The following SLC4A10 variants were observed in gnomAD, a reference collection of about 807,000 sequenced individuals.
The protein encoded by SLC4A10 is solute carrier family 4 member 10, also known as sodium-driven chloride bicarbonate exchanger.
Under a neutral mutation model 137.7 loss-of-function variants are expected in SLC4A10, and 42 were observed. The observed-to-expected ratio is 0.30, with a 90% CI of 0.24 to 0.39. The LOEUF is 0.39. SLC4A10 is among the 10% of genes least tolerant of loss of function. The pLI is 1.00. For synonymous variants in SLC4A10, 474 were observed against 464.1 expected (o/e 1.02, Z -0.27); for missense variants, 925 against 1,355.0 (o/e 0.68, Z 4.98).
intron 22 of SLC4A10, among the ~76,000 whole-genome samples, chr2:161,964,641 T>C (rs1343980470): frequency 6.6e-6 from 1 of 152,102 alleles, no homozygotes; most frequent in Admixed American, 6.6e-5. Context: ...GTATTAAATG[T>C]TTCAGGCAAG....
intron 1 of SLC4A10, among the ~76,000 whole-genome samples, chr2:161,713,996 A>C (rs1320262907): frequency 1.7e-5 from 2 of 118,366 alleles, no homozygotes; most frequent in East Asian, 5.3e-4. Flanking sequence ...TATTACTCTC[A>C]GTATAAATGA....
chr2:161,671,626 C>T (rs1486320581), intron 1 of SLC4A10, among the ~76,000 whole-genome samples: 1 of 152,142 alleles, frequency 6.6e-6, no homozygotes, highest in Non-Finnish European at 1.5e-5. Flanking sequence ...TACCCCAAAC[C>T]TCAGCGTCAT....
intron 1 of SLC4A10, among the ~76,000 whole-genome samples, chr2:161,684,338 T>C (rs1424529347): frequency 9.2e-5 from 14 of 152,210 alleles, no homozygotes; most frequent in Admixed American, 2.6e-4. Flanking sequence ...TGACCATTTT[T>C]CTGCATTTTT....
chr2:161,789,579 AG>A (rs2053994508), intron 2 of SLC4A10, among the ~76,000 whole-genome samples: 1 of 152,206 alleles, frequency 6.6e-6, no homozygotes, highest in African/African-American at 2.4e-5. Context: ...GATGTTACAA[AG>A]GCTACTATAT....
At position 161,950,864 on chromosome 2, in the gene SLC4A10, C is replaced by A; in HGVS notation, c.2541+16C>A. ...TAAGCTAAAGGTATATTTTAACATC[C>A]ATTTTAATGTAAATAATTATGACAA... On this transcript the variant is annotated intron_variant, in intron 19 of 26. Transcript: ENST00000446997. The A allele has an allele frequency of 6.4e-7, 1 of 1,560,724 alleles. No homozygotes were observed. The highest frequency in any genetic ancestry group is 2.3e-5 in the East Asian group (1 of 43,294).
chr2:161,857,785 A>G (rs1022663487), intron 5 of SLC4A10, among the ~76,000 whole-genome samples: 1 of 152,230 alleles, frequency 6.6e-6, no homozygotes, highest in African/African-American at 2.4e-5. Flanking sequence ...CAACATATAA[A>G]GTAGGAAAGA....
chr2:161,886,490 T>C (rs1026273564), intron 10 of SLC4A10, among the ~76,000 whole-genome samples: 5 of 152,212 alleles, frequency 3.3e-5, no homozygotes, highest in Non-Finnish European at 7.3e-5. Context: ...TTTCTTATCA[T>C]ATTGCAGTCT....
Position 161,771,024 on chromosome 2 carries a change from A to C in SLC4A10, c.100A>C (p.Lys34Gln), listed in dbSNP as rs914673973. The C allele has an allele frequency of 3.1e-6, 5 of 1,605,248 alleles. No homozygotes were observed. The highest frequency in any genetic ancestry group is 3.4e-5 in the Admixed American group (2 of 59,126). Residue 34 changes from lysine (K) to glutamine (Q), a missense_variant, in exon 2 of 27, where the codon AAA becomes CAA. By Grantham distance (53) the Lys-to-Gln change is moderately conservative. This residue lies in a region of SLC4A10 where 138 missense variants were observed against 171.3 expected (regional missense o/e 0.81). Coordinates refer to ENST00000446997, the MANE Select transcript of SLC4A10 (RefSeq NM_001178015.2). ...VDRGGTRSIL[K>Q]THFEKEDLEG... ...TAGAGGTGGAACTCGTTCTATTCTC[A>C]AAACACACTTTGAGAAAGAAGATTT...
chr2:161,721,971 C>T (rs937265332), intron 1 of SLC4A10, among the ~76,000 whole-genome samples: 18 of 152,192 alleles, frequency 1.2e-4, no homozygotes, highest in Non-Finnish European at 2.1e-4. Flanking sequence ...TCCATTTGGT[C>T]TATTCAGCTA....
At chr2:161,903,867 A>G in intron 12 of SLC4A10, 137 bp from the exon 13 acceptor site, 1 of 809,592 alleles carries the variant, frequency 1.2e-6, no homozygotes, top group Non-Finnish European at 1.9e-6. Context: ...TTATAAGACA[A>G]TGCAGCAGGT....
intron 12 of SLC4A10, among the ~76,000 whole-genome samples, 177 bp from the exon 13 acceptor site, chr2:161,903,827 C>T (rs527259207): frequency 4.1e-4 from 62 of 152,086 alleles, no homozygotes; most frequent in Non-Finnish European, 5.7e-4. Flanking sequence ...AGGTAACGAA[C>T]GTAGTTGTGC....
chr2:161,951,722 A>G (rs2105827101), intron 19 of SLC4A10, among the ~76,000 whole-genome samples: 1 of 152,254 alleles, frequency 6.6e-6, no homozygotes, highest in Non-Finnish European at 1.5e-5. Context: ...TTTTATAGGA[A>G]TGTTAGAAAG....
At position 161,862,903 on chromosome 2, in the gene SLC4A10, G is replaced by A. The variant is rs1243199230; in HGVS notation, c.607G>A (p.Gly203Ser). Residue 203 changes from glycine (G) to serine (S), a missense_variant, in exon 6 of 27, where the codon GGT becomes AGT. Coordinates refer to ENST00000446997, the MANE Select transcript of SLC4A10 (RefSeq NM_001178015.2). ...GGTTCTTGACCAACAAGTGAGCTCA[G>A]GTCAGCTGAATGAAGATGTACGCCA... ...DMVLDQQVSS[G>S]QLNEDVRHRV... 3 of 1,609,766 alleles carry A rather than the reference G, an allele frequency of 1.9e-6. No individual in the cohort carries two copies. The highest frequency in any genetic ancestry group is 1.3e-5 in the African/African-American group (1 of 74,942).
chr2:161,809,956 A>T lies in SLC4A10; in HGVS notation c.277+5361A>T, dbSNP rs529034089. On this transcript the variant is annotated intron_variant, in intron 3 of 26. Transcript: ENST00000446997. ...ATAGAGATCGTATTGAATTCTGTAAATTGCTTTGGGCAGTATGGCCATTTT... is the reference window on the plus strand; with the variant it reads ...ATAGAGATCGTATTGAATTCTGTAATTTGCTTTGGGCAGTATGGCCATTTT... Among the ~76,000 whole-genome samples, 214 of 152,224 alleles carry T rather than the reference A, an allele frequency of 1.4e-3. 2 individuals carry two copies. The highest frequency in any genetic ancestry group is 5.1e-3 in the African/African-American group (213 of 41,552).
chr2:161,923,384 C>A (rs2105522519), intron 15 of SLC4A10, among the ~76,000 whole-genome samples: 1 of 152,222 alleles, frequency 6.6e-6, no homozygotes, highest in East Asian at 1.9e-4. Flanking sequence ...TTGGACTTTT[C>A]AGTCTATGAG....
rs76725302 is a variant in SLC4A10 at position 161,711,290 on chromosome 2, A to G, written c.49-59683A>G. Among the ~76,000 whole-genome samples, 1,049 of 151,958 alleles carry G rather than the reference A, an allele frequency of 6.9e-3. 10 individuals carry two copies. The highest frequency in any genetic ancestry group is 0.023 in the African/African-American group (973 of 41,508). ...CATAGAGACTTGATCAATCCTGTCT[A>G]ATTCCAGGCTCAGTGTGGGTAATTA... On this transcript the variant is annotated intron_variant, in intron 1 of 26. Coordinates refer to ENST00000446997, the MANE Select transcript of SLC4A10 (RefSeq NM_001178015.2).
chr2:161,687,098 G>A (rs549186987), intron 1 of SLC4A10, among the ~76,000 whole-genome samples: 1 of 152,232 alleles, frequency 6.6e-6, no homozygotes, highest in Non-Finnish European at 1.5e-5. Flanking sequence ...GGCCAGACTG[G>A]TCTTGAACTC....
At chr2:161,794,203 C>G (rs1190207506) in intron 2 of SLC4A10, among the ~76,000 whole-genome samples, 2 of 152,078 alleles carry the variant, frequency 1.3e-5, no homozygotes, top group Non-Finnish European at 2.9e-5. Context: ...TTTTTGAATT[C>G]ACAAAATTCC....
At chr2:161,775,795 T>A (rs2052250332) in intron 2 of SLC4A10, among the ~76,000 whole-genome samples, 1 of 151,940 alleles carries the variant, frequency 6.6e-6, no homozygotes, top group Admixed American at 6.6e-5. Context: ...TGGATATTTT[T>A]TTTTCACGTA....
Sources: allele counts gnomAD v4.1 joint callset (sites outside exome capture counted in the v4.1 genomes callset), GRCh38; gene constraint gnomAD v4.1.1; regional missense constraint gnomAD v4.1.1; transcripts MANE v1.5; gene names NCBI Gene and HGNC (gene_info 2026-07-23, HGNC 2026-07-21).